Variants in MICU1 observed in about 807,000 individuals in gnomAD.
MICU1 encodes calcium uptake protein 1, mitochondrial.
In MICU1, 45 loss-of-function variants were observed where a neutral mutation model predicts 56.8. That is an observed-to-expected ratio of 0.79 (90% CI 0.62 to 1.02). The LOEUF (loss-of-function observed/expected upper bound fraction) is 1.02, where lower values mean the gene tolerates loss of function less well. Ranked by LOEUF, MICU1 falls within the 50% of genes least tolerant of loss-of-function variation. MICU1 has a pLI of 0.00. For missense variants in MICU1, 504 were observed against 587.1 expected (o/e 0.86, Z 1.46); for synonymous variants, 186 against 195.1 (o/e 0.95, Z 0.39).
At chr10:72,389,661 C>G (rs938799908) in intron 10 of MICU1, among the ~76,000 whole-genome samples, 1 of 152,078 alleles carries the variant, frequency 6.6e-6, no homozygotes, top group African/African-American at 2.4e-5. Flanking sequence ...CAAAGTACAC[C>G]GAGGACGTAA....
intron 4 of MICU1, among the ~76,000 whole-genome samples, chr10:72,546,101 CA>C (rs1839887547): frequency 6.6e-6 from 1 of 152,196 alleles, no homozygotes; most frequent in Admixed American, 6.5e-5. Context: ...TCCATTCAAT[CA>C]CCTGCCTAGG....
chr10:72,495,266 T>C (rs189564362), intron 6 of MICU1, among the ~76,000 whole-genome samples: 65 of 152,162 alleles, frequency 4.3e-4, no homozygotes, highest in Middle Eastern at 3.4e-3. Flanking sequence ...TGCTTGAATT[T>C]CATTTCATGT....
intron 4 of MICU1, among the ~76,000 whole-genome samples, chr10:72,547,032 C>T (rs1298107891): frequency 6.6e-6 from 1 of 152,062 alleles, no homozygotes; most frequent in African/African-American, 2.4e-5. Flanking sequence ...GCTGGGACTA[C>T]AGGCGCTCGC....
At position 72,427,491 on chromosome 10, in the gene MICU1, A is replaced by T. The variant is rs544041257; in HGVS notation, c.934-4120T>A. On this transcript the variant is annotated intron_variant, in intron 8 of 11. Coordinates refer to ENST00000361114, the MANE Select transcript of MICU1 (RefSeq NM_001195518.2). ...GGTCTTCATTTGTTGAAGACTTTTG[A>T]GGTTAATGTATCCAACAAATGTAAA... 1.6e-4 allele frequency among the ~76,000 whole-genome samples: 25 copies of T among 152,284 alleles called. No homozygotes were observed. The South Asian group carries it at 5.0e-3, about 30-fold the overall frequency.
intron 6 of MICU1, among the ~76,000 whole-genome samples, chr10:72,491,673 TATATA>T (rs1265662584): frequency 6.6e-6 from 1 of 152,214 alleles, no homozygotes; most frequent in Non-Finnish European, 1.5e-5. Flanking sequence ...AATCTGGTCC[TATATA>T]ACAGATCAGA....
intron 4 of MICU1, 102 bp downstream of exon 4, chr10:72,551,077 T>C (rs1840023170): frequency 1.7e-6 from 2 of 1,142,968 alleles, no homozygotes; most frequent in South Asian, 1.9e-5. Context: ...GTTCATATCA[T>C]CATTACAAGG....
chr10:72,606,267 T>C (rs1841687899), intron 1 of MICU1, among the ~76,000 whole-genome samples: 1 of 151,958 alleles, frequency 6.6e-6, no homozygotes, highest in South Asian at 2.1e-4. Context: ...ATCCCAGCAC[T>C]CTGGGAGGCT....
intron 10 of MICU1, among the ~76,000 whole-genome samples, chr10:72,378,511 G>A (rs1862600043): frequency 6.6e-6 from 1 of 152,184 alleles, no homozygotes; most frequent in African/African-American, 2.4e-5. Context: ...TAAGTTTCCT[G>A]AGGCCTCCTC....
chr10:72,494,287 A>G (rs1393367794), intron 6 of MICU1, among the ~76,000 whole-genome samples: 1 of 152,188 alleles, frequency 6.6e-6, no homozygotes, highest in African/African-American at 2.4e-5. Flanking sequence ...ATAGACAGTC[A>G]AAGGGTAGTT....
chr10:72,468,228 C>G (rs919592261), intron 8 of MICU1, among the ~76,000 whole-genome samples: 1 of 151,604 alleles, frequency 6.6e-6, no homozygotes, highest in Non-Finnish European at 1.5e-5. Flanking sequence ...TTAGATAATA[C>G]CTTTTCAGTG....
At chr10:72,571,191 C>T (rs1412518174) in intron 1 of MICU1, among the ~76,000 whole-genome samples, 3 of 152,176 alleles carry the variant, frequency 2.0e-5, no homozygotes, top group African/African-American at 7.2e-5. Flanking sequence ...TGGTGAAACC[C>T]TGTCTCTACT....
chr10:72,610,225 T>C (rs1222804640), intron 1 of MICU1, among the ~76,000 whole-genome samples: 1 of 139,446 alleles, frequency 7.2e-6, no homozygotes, highest in Non-Finnish European at 1.5e-5. Flanking sequence ...CACACCACTG[T>C]ACTCCAGCAT....
chr10:72,383,133 C>CT lies in MICU1; in HGVS notation c.1181-7262dup, dbSNP rs578242629. ...CGATGGTGCGCTCCTGCAGTCCTAG[C>CT]TACTTGGGAAACTGAGGTGGGAGGA... On this transcript the variant is annotated intron_variant, in intron 10 of 11. Transcript: ENST00000361114. Among the ~76,000 whole-genome samples the CT allele has an allele frequency of 4.5e-3, 684 of 151,504 alleles. 5 individuals carry two copies. Among genetic ancestry groups the CT allele is most frequent in the African/African-American group, 0.016 (648 of 41,232 alleles).
intron 1 of MICU1, among the ~76,000 whole-genome samples, chr10:72,608,074 AT>A (rs779947716): frequency 2.0e-5 from 3 of 150,058 alleles, no homozygotes; most frequent in Non-Finnish European, 3.0e-5. Flanking sequence ...TAATCAAATA[AT>A]TTTTTTTTTG....
chr10:72,614,839 T>C (rs1303575707), intron 1 of MICU1, among the ~76,000 whole-genome samples: 1 of 152,182 alleles, frequency 6.6e-6, no homozygotes, highest in Non-Finnish European at 1.5e-5. Context: ...TGAATGCTAG[T>C]GATGGTTGTG....
intron 8 of MICU1, among the ~76,000 whole-genome samples, chr10:72,433,480 T>C (rs1589215264): frequency 6.7e-6 from 1 of 150,148 alleles, no homozygotes; most frequent in African/African-American, 2.5e-5. Context: ...CAGGCTGGAG[T>C]GCAATGGTGC....
At chr10:72,614,322 C>CA (rs1256638969) in intron 1 of MICU1, among the ~76,000 whole-genome samples, 1 of 152,054 alleles carries the variant, frequency 6.6e-6, no homozygotes, top group Non-Finnish European at 1.5e-5. Flanking sequence ...GGCAGCTCCT[C>CA]AAAAAATTAA....
chr10:72,535,184 G>GCTGTA (rs1839603220), intron 4 of MICU1, among the ~76,000 whole-genome samples: 1 of 151,080 alleles, frequency 6.6e-6, no homozygotes, highest in South Asian at 2.1e-4. Context: ...TGTGTGCCAC[G>GCTGTA]ATACCTGTCT....
At chr10:72,559,891 T>C (rs1452177255) in intron 3 of MICU1, among the ~76,000 whole-genome samples, 3 of 152,240 alleles carry the variant, frequency 2.0e-5, no homozygotes, top group East Asian at 3.9e-4. Flanking sequence ...TAGATTCTCA[T>C]AGGAGCATGA....
Sources: allele counts gnomAD v4.1 joint callset (sites outside exome capture counted in the v4.1 genomes callset), GRCh38; gene constraint gnomAD v4.1.1; transcripts MANE v1.5; gene names NCBI Gene and HGNC (gene_info 2026-07-23, HGNC 2026-07-21).